Variants in NTRK3 observed in about 807,000 individuals in gnomAD.
NTRK3 encodes neurotrophic receptor tyrosine kinase 3.
A neutral mutation model predicts 91.7 loss-of-function variants in NTRK3; 24 were observed. The ratio of observed to expected loss-of-function variants is 0.26; its 90% CI spans 0.19 to 0.37. The LOEUF (loss-of-function observed/expected upper bound fraction) is 0.37, where lower values mean the gene tolerates loss of function less well. Among genes scored for constraint, NTRK3 ranks in the 10% least tolerant of loss-of-function variants. NTRK3 has a pLI of 1.00. For missense variants in NTRK3, 880 were observed against 1,068.9 expected (o/e 0.82, Z 2.46); for synonymous variants, 483 against 404.0 (o/e 1.20, Z -2.34).
At chr15:87,885,051 A>G (rs1201153010) in intron 17 of NTRK3, among the ~76,000 whole-genome samples, 1 of 151,942 alleles carries the variant, frequency 6.6e-6, no homozygotes, top group Non-Finnish European at 1.5e-5. Flanking sequence ...TAGAACCATT[A>G]TATGATTTAG....
chr15:87,965,540 C>T (rs2072711917), intron 14 of NTRK3, among the ~76,000 whole-genome samples: 1 of 152,136 alleles, frequency 6.6e-6, no homozygotes, highest in African/African-American at 2.4e-5. Flanking sequence ...AGCATTGCCC[C>T]AGTGTGGAGA....
At chr15:87,980,510 C>T (rs1015283351) in intron 14 of NTRK3, among the ~76,000 whole-genome samples, 3 of 151,848 alleles carry the variant, frequency 2.0e-5, no homozygotes, top group East Asian at 3.9e-4. Context: ...CATGTATGTG[C>T]GAATATATGT....
At chr15:87,904,114 T>A (rs1176560797) in intron 17 of NTRK3, among the ~76,000 whole-genome samples, 4 of 151,946 alleles carry the variant, frequency 2.6e-5, no homozygotes, top group Admixed American at 2.0e-4. Context: ...GACCTGTCTA[T>A]GACCAAGACA....
intron 17 of NTRK3, among the ~76,000 whole-genome samples, chr15:87,896,483 AAAAAG>A (rs1354278085): frequency 6.6e-6 from 1 of 151,630 alleles, no homozygotes; most frequent in Non-Finnish European, 1.5e-5. Flanking sequence ...GAAAAAAAAA[AAAAAG>A]AAAGAAAGGA....
At chr15:88,016,194 C>T (rs2141832924) in intron 14 of NTRK3, among the ~76,000 whole-genome samples, 2 of 152,198 alleles carry the variant, frequency 1.3e-5, no homozygotes, top group South Asian at 4.1e-4. Flanking sequence ...TTGTATATTA[C>T]TTTGAAACCA....
intron 3 of NTRK3, among the ~76,000 whole-genome samples, chr15:88,251,411 TAG>T (rs1230877541): frequency 6.6e-6 from 1 of 152,244 alleles, no homozygotes; most frequent in Non-Finnish European, 1.5e-5. Flanking sequence ...TCTGAAAGTC[TAG>T]AGTGCCCTGA....
At chr15:88,114,253 T>C (rs1047217486) in intron 13 of NTRK3, among the ~76,000 whole-genome samples, 5 of 152,144 alleles carry the variant, frequency 3.3e-5, no homozygotes, top group African/African-American at 1.2e-4. Context: ...TGCTTTGTTT[T>C]TAAGGTTCAA....
At chr15:88,210,346 T>C (rs1022101804) in intron 3 of NTRK3, among the ~76,000 whole-genome samples, 1 of 152,156 alleles carries the variant, frequency 6.6e-6, no homozygotes, top group Non-Finnish European at 1.5e-5. Context: ...ACCTGATCTA[T>C]CTTCCTCGCG....
At chr15:88,053,082 G>C (rs201491904) in intron 13 of NTRK3, among the ~76,000 whole-genome samples, 2 of 152,150 alleles carry the variant, frequency 1.3e-5, no homozygotes, top group East Asian at 3.9e-4. Context: ...CACTGTTCTA[G>C]GAACTGGGGA....
At chr15:88,066,519 A>G (rs763947016) in intron 13 of NTRK3, among the ~76,000 whole-genome samples, 7 of 152,206 alleles carry the variant, frequency 4.6e-5, no homozygotes, top group Non-Finnish European at 1.0e-4. Flanking sequence ...AAAATTCCAC[A>G]GCCAAACAGT....
At chr15:88,188,403 A>G (rs1018339610) in intron 3 of NTRK3, among the ~76,000 whole-genome samples, 32 of 152,314 alleles carry the variant, frequency 2.1e-4, no homozygotes, top group Non-Finnish European at 3.7e-4. Flanking sequence ...GAGAGTAACA[A>G]TGGCCTACAG....
intron 13 of NTRK3, among the ~76,000 whole-genome samples, chr15:88,097,312 T>C (rs1356692118): frequency 6.6e-6 from 1 of 152,232 alleles, no homozygotes; most frequent in African/African-American, 2.4e-5. Context: ...ATTAATGCTG[T>C]TAGCATGACA....
intron 17 of NTRK3, among the ~76,000 whole-genome samples, chr15:87,926,431 A>G (rs1025454215): frequency 1.3e-5 from 2 of 152,192 alleles, no homozygotes; most frequent in African/African-American, 4.8e-5. Flanking sequence ...TTGGGACCAA[A>G]AACATACATT....
chr15:87,997,504 A>T (rs1472933742), intron 14 of NTRK3, among the ~76,000 whole-genome samples: 1 of 152,128 alleles, frequency 6.6e-6, no homozygotes, highest in Admixed American at 6.5e-5. Flanking sequence ...CAGGGCCTGG[A>T]GGGAAATCTT....
chr15:88,103,146 C>T (rs2050351256), intron 13 of NTRK3, among the ~76,000 whole-genome samples: 1 of 152,160 alleles, frequency 6.6e-6, no homozygotes, highest in Non-Finnish European at 1.5e-5. Flanking sequence ...GATGGTAGGA[C>T]TTATTTCCTA....
At chr15:88,169,593 C>A (rs1226940983) in intron 5 of NTRK3, among the ~76,000 whole-genome samples, 1 of 152,182 alleles carries the variant, frequency 6.6e-6, no homozygotes, top group East Asian at 1.9e-4. Context: ...CAGGGCCATA[C>A]TGGGAGACAG....
At chr15:88,125,854 C>T (rs1255745009) in intron 13 of NTRK3, among the ~76,000 whole-genome samples, 1 of 152,218 alleles carries the variant, frequency 6.6e-6, no homozygotes, top group East Asian at 1.9e-4. Context: ...TACCCTACAT[C>T]TTGCTGTGCT....
chr15:88,010,374 T>C (rs1387603102), intron 14 of NTRK3, among the ~76,000 whole-genome samples: 1 of 152,218 alleles, frequency 6.6e-6, no homozygotes, highest in Non-Finnish European at 1.5e-5. Flanking sequence ...TCATTCTGGG[T>C]GAATTCATTC....
intron 3 of NTRK3, among the ~76,000 whole-genome samples, chr15:88,185,961 G>C (rs1342931121): frequency 1.3e-5 from 2 of 152,194 alleles, no homozygotes; most frequent in Non-Finnish European, 1.5e-5. Flanking sequence ...TGGCCAGGTT[G>C]GTGTTGGATT....
Sources: allele counts gnomAD v4.1 joint callset (sites outside exome capture counted in the v4.1 genomes callset), GRCh38; gene constraint gnomAD v4.1.1; transcripts MANE v1.5; gene names NCBI Gene and HGNC (gene_info 2026-07-23, HGNC 2026-07-21).